The following PPP3CA variants were observed in gnomAD, a reference collection of about 807,000 sequenced individuals.
The protein encoded by PPP3CA is protein phosphatase 3 catalytic subunit alpha, also known as CAM-PRP catalytic subunit.
Under a neutral mutation model 66.5 loss-of-function variants are expected in PPP3CA, and 14 were observed. The ratio of observed to expected loss-of-function variants is 0.21; its 90% CI spans 0.14 to 0.33. The LOEUF (loss-of-function observed/expected upper bound fraction) is 0.33. Ranked by LOEUF, PPP3CA falls within the 10% of genes least tolerant of loss-of-function variation. The probability of loss-of-function intolerance (pLI) is 1.00; values close to 1 mark genes in which losing one functional copy is unlikely to be tolerated. For synonymous variants in PPP3CA, 232 were observed against 226.2 expected, an observed-to-expected ratio of 1.03 and a Z score of -0.23; for missense variants, 317 against 639.5, an observed-to-expected ratio of 0.50 and a Z score of 5.44.
chr4:101,111,496 A>G (rs971891789), intron 2 of PPP3CA, among the ~76,000 whole-genome samples: 9 of 152,170 alleles, frequency 5.9e-5, no homozygotes, highest in Non-Finnish European at 1.3e-4. Flanking sequence ...CATAGGCTTC[A>G]GACATTATTT....
At chr4:101,207,016 A>G (rs974677813) in intron 1 of PPP3CA, among the ~76,000 whole-genome samples, 3 of 152,234 alleles carry the variant, frequency 2.0e-5, no homozygotes, top group Non-Finnish European at 2.9e-5. Flanking sequence ...ATCAAAAGTG[A>G]GCAACAGATA....
chr4:101,154,024 T>A (rs564359632), intron 2 of PPP3CA, among the ~76,000 whole-genome samples: 2 of 152,062 alleles, frequency 1.3e-5, no homozygotes, highest in Admixed American at 1.3e-4. Context: ...AAGAAAAAAA[T>A]TTCCAAGTCA....
intron 1 of PPP3CA, among the ~76,000 whole-genome samples, chr4:101,336,570 T>TA (rs1381084582): frequency 4.7e-4 from 46 of 98,820 alleles, no homozygotes; most frequent in East Asian, 9.4e-4. Flanking sequence ...GAAACTGTCT[T>TA]AAAAAAAAAA....
intron 1 of PPP3CA, among the ~76,000 whole-genome samples, chr4:101,269,458 G>T (rs1578613431): frequency 3.3e-5 from 5 of 151,716 alleles, no homozygotes; most frequent in Admixed American, 3.3e-4. Flanking sequence ...ATATTAAATT[G>T]TTATACCCAT....
At chr4:101,284,122 A>C (rs1487441342) in intron 1 of PPP3CA, among the ~76,000 whole-genome samples, 1 of 152,164 alleles carries the variant, frequency 6.6e-6, no homozygotes, top group African/African-American at 2.4e-5. Context: ...GAACCTTCTA[A>C]TAAATTTCCT....
intron 1 of PPP3CA, among the ~76,000 whole-genome samples, chr4:101,311,398 T>A (rs1389802222): frequency 6.6e-6 from 1 of 152,192 alleles, no homozygotes; most frequent in Non-Finnish European, 1.5e-5. Flanking sequence ...ACTGAATAAG[T>A]TACCTGAAGT....
rs1727049332 is a variant in PPP3CA at position 101,262,796 on chromosome 4, A to AC, written c.59-66681dup. Among the ~76,000 whole-genome samples, 3 of 152,234 alleles carry AC rather than the reference A, an allele frequency of 2.0e-5. No homozygotes were observed. The South Asian group carries it at 6.2e-4, about 32-fold the overall frequency. On this transcript the variant is annotated intron_variant, in intron 1 of 13. Transcript: ENST00000394854. ...AAGCTTATGTGAGCTCTAACTATCCACCTGACCACCTTACTCCCATAGTTA... is the reference window on the plus strand; with the variant it reads ...AAGCTTATGTGAGCTCTAACTATCCACCCTGACCACCTTACTCCCATAGTTA...
chr4:101,322,336 G>C (rs571014475), intron 1 of PPP3CA, among the ~76,000 whole-genome samples: 1 of 151,778 alleles, frequency 6.6e-6, no homozygotes, highest in East Asian at 1.9e-4. Flanking sequence ...ACTCATGAAC[G>C]AGATTAGGAA....
intron 7 of PPP3CA, among the ~76,000 whole-genome samples, chr4:101,081,949 C>T (rs1450659577): frequency 1.3e-5 from 2 of 152,128 alleles, no homozygotes; most frequent in African/African-American, 4.8e-5. Context: ...AACAAAGAAA[C>T]TGGATGACAT....
At chr4:101,252,462 C>G (rs1726708325) in intron 1 of PPP3CA, among the ~76,000 whole-genome samples, 1 of 151,896 alleles carries the variant, frequency 6.6e-6, no homozygotes, top group Non-Finnish European at 1.5e-5. Context: ...TTTTCTCCCT[C>G]AGTTGGTAAA....
At chr4:101,324,935 A>T (rs1005450982) in intron 1 of PPP3CA, among the ~76,000 whole-genome samples, 1 of 152,228 alleles carries the variant, frequency 6.6e-6, no homozygotes, top group African/African-American at 2.4e-5. Flanking sequence ...AAGAAGCTGG[A>T]ACAGAACACA....
chr4:101,335,643 T>C (rs189623854), intron 1 of PPP3CA, among the ~76,000 whole-genome samples: 126 of 152,224 alleles, frequency 8.3e-4, no homozygotes, highest in Middle Eastern at 3.4e-3. Context: ...GGGAAAGGCA[T>C]GAGAACTAAG....
chr4:101,308,089 A>T (rs1213381420), intron 1 of PPP3CA, among the ~76,000 whole-genome samples: 1 of 152,186 alleles, frequency 6.6e-6, no homozygotes, highest in East Asian at 1.9e-4. Flanking sequence ...ACAATTTAAC[A>T]GTACACTTTA....
chr4:101,158,579 A>C (rs2695214), intron 2 of PPP3CA, among the ~76,000 whole-genome samples: 56,182 of 152,050 alleles, frequency 0.37, 10,956 homozygotes, highest in African/African-American at 0.49. Flanking sequence ...AAATCATGAG[A>C]GTAGTTAAAA....
At chr4:101,217,791 A>G (rs1482354501) in intron 1 of PPP3CA, among the ~76,000 whole-genome samples, 1 of 152,064 alleles carries the variant, frequency 6.6e-6, no homozygotes, top group African/African-American at 2.4e-5. Context: ...TCAGCCTAAG[A>G]CAAGGTCCAG....
At chr4:101,338,965 A>G (rs1025841444) in intron 1 of PPP3CA, among the ~76,000 whole-genome samples, 4 of 152,258 alleles carry the variant, frequency 2.6e-5, no homozygotes, top group African/African-American at 9.6e-5. Context: ...ATAAAACAGC[A>G]TAACTTACAA....
chr4:101,285,878 T>G (rs1014753457), intron 1 of PPP3CA, among the ~76,000 whole-genome samples: 1 of 152,136 alleles, frequency 6.6e-6, no homozygotes, highest in Non-Finnish European at 1.5e-5. Context: ...TGGCTGATAA[T>G]TTACACAATG....
At chr4:101,063,495 T>A in intron 8 of PPP3CA, 138 bp from the exon 9 acceptor site, 1 of 935,442 alleles carries the variant, frequency 1.1e-6, no homozygotes, top group Non-Finnish European at 1.6e-6. Context: ...CATCCCAGAA[T>A]GCTTATACAA....
intron 3 of PPP3CA, 120 bp from the exon 4 acceptor site, chr4:101,099,842 A>G: frequency 4.4e-6 from 2 of 451,902 alleles, no homozygotes; most frequent in Non-Finnish European, 7.2e-6. Flanking sequence ...GTCCCCCAAA[A>G]GGCTGGAACT....
Sources: gnomAD v4.1 joint callset for allele counts (sites outside exome capture counted in the v4.1 genomes callset) on GRCh38, gnomAD v4.1.1 for gene constraint, MANE v1.5 for transcripts, NCBI Gene and HGNC (gene_info 2026-07-23, HGNC 2026-07-21) for gene names.